SARAF: variants seen among roughly 807,000 people sequenced by gnomAD.
The protein encoded by SARAF is store-operated calcium entry associated regulatory factor.
Under a neutral mutation model 39.7 loss-of-function variants are expected in SARAF, and 23 were observed. That is an observed-to-expected ratio of 0.58 (90% CI 0.42 to 0.82). SARAF has a LOEUF of 0.82. Among genes scored for constraint, SARAF ranks in the 40% least tolerant of loss-of-function variants. The probability of loss-of-function intolerance (pLI) is 0.00; values close to 1 mark genes in which losing one functional copy is unlikely to be tolerated. For missense variants in SARAF, 384 were observed against 418.5 expected, an observed-to-expected ratio of 0.92 and a Z score of 0.72; for synonymous variants, 175 against 168.5, an observed-to-expected ratio of 1.04 and a Z score of -0.30.
intron 1 of SARAF, among the ~76,000 whole-genome samples, chr8:30,077,969 G>A (rs184599767): frequency 6.7e-4 from 102 of 151,424 alleles, no homozygotes; most frequent in African/African-American, 2.3e-3. Context: ...GTGAAACCCC[G>A]TCTCTACTAA....
In SARAF at chr8:30,066,868, T is replaced by TAAAA; in HGVS notation, c.747_750dup (p.Thr251PhefsTer8). ...GAATTTTCATATCCTTGTTGTCCTG[T>TAAAA]AAAAGCACTGCCAAAACCAGAAGTT... On this transcript the variant is annotated frameshift_variant, in exon 4 of 6. Transcript: ENST00000256255. LOFTEE classifies it high-confidence loss of function. The TAAAA allele has an allele frequency of 6.2e-7, 1 of 1,614,186 alleles. No individual in the cohort carries two copies. The highest frequency in any genetic ancestry group is 2.2e-5 in the East Asian group (1 of 44,878).
At position 30,069,731 on chromosome 8, in the gene SARAF, T is replaced by A; in HGVS notation, c.611A>T (p.Tyr204Phe). Residue 204 changes from tyrosine to phenylalanine, a missense_variant, in exon 3 of 6, where the codon TAC (tyrosine) becomes TTC (phenylalanine). Coordinates refer to ENST00000256255, the MANE Select transcript of SARAF (RefSeq NM_016127.6). ...GTGGGAAAATGGAGGATACTCAGAG[T>A]ACGGTGGAGGAGAATACTGCCCGTC... Reference protein sequence around the residue: ...LSDGQYSPPPYSEYPPFSHRY... With the variant: ...LSDGQYSPPPFSEYPPFSHRY... The A allele has an allele frequency of 6.2e-7, 1 of 1,613,986 alleles. No homozygotes were observed. Among genetic ancestry groups the A allele is most frequent in the Non-Finnish European group, 8.5e-7 (1 of 1,179,974 alleles).
intron 1 of SARAF, chr8:30,078,288 C>CA (rs1340312720): frequency 2.0e-5 from 9 of 441,208 alleles, no homozygotes; most frequent in Non-Finnish European, 4.0e-5. Context: ...TCTGATTAGA[C>CA]AAACTCCAGG....
intron 1 of SARAF, among the ~76,000 whole-genome samples, chr8:30,081,731 ATTTT>A (rs11314015): frequency 2.7e-5 from 4 of 147,270 alleles, no homozygotes; most frequent in East Asian, 2.0e-4. Context: ...TGTTGTTTTC[ATTTT>A]TTTTTTTTTT....
chr8:30,066,955 A>C (rs1400328636), intron 3 of SARAF, 37 bp from the exon 4 acceptor site: 1 of 1,542,242 alleles, frequency 6.5e-7, no homozygotes, highest in East Asian at 2.2e-5. Flanking sequence ...ATCCTCACTT[A>C]AACATGACAG....
At position 30,066,136 on chromosome 8, in the gene SARAF, C is replaced by A; in HGVS notation, c.846G>T (p.Ala282=). The change falls in exon 5 of 6, where the codon GCG becomes GCT. Residue 282 remains alanine (A), a synonymous_variant. Transcript: ENST00000256255. ...ILGYLFGSNR[A]ATPFSDSWYY... ...ACCACGAGTCTGAGAAGGGTGTTGC[C>A]GCTCTTTAAAGGGATAAAAGTAGGT... 1 of 1,613,618 alleles carries A rather than the reference C, an allele frequency of 6.2e-7. No homozygotes were observed. Among genetic ancestry groups the A allele is most frequent in the Non-Finnish European group, 8.5e-7 (1 of 1,179,770 alleles).
chr8:30,081,356 C>A (rs1369967803), intron 1 of SARAF, among the ~76,000 whole-genome samples: 2 of 152,074 alleles, frequency 1.3e-5, no homozygotes, highest in Non-Finnish European at 2.9e-5. Flanking sequence ...TGTAAACTTC[C>A]TTTATTAAAT....
chr8:30,078,088 C>T (rs1802009811), intron 1 of SARAF: 2 of 241,842 alleles, frequency 8.3e-6, no homozygotes, highest in African/African-American at 2.9e-5. Context: ...TGCAGCGAGC[C>T]GAGATGGTGC....
At position 30,075,997 on chromosome 8, in the gene SARAF, AAAAAAAAC is replaced by A. The variant is rs1409378441; in HGVS notation, c.104-1950_104-1943del. 1.1e-4 allele frequency among the ~76,000 whole-genome samples: 16 copies of A among 145,830 alleles called. 2 individuals carry two copies. The highest frequency in any genetic ancestry group is 4.2e-4 in the African/African-American group (16 of 38,332). ...CAGAATCCCTAAAAAAAAACAAAAAAAAAAAAACAAAAAACGGGAAATGGCAGCTCTGG... is the reference window on the plus strand; with the variant it reads ...CAGAATCCCTAAAAAAAAACAAAAAAAAAAAACGGGAAATGGCAGCTCTGG... On this transcript the variant is annotated intron_variant, in intron 1 of 5. Transcript: ENST00000256255.
chr8:30,077,207 G>C (rs989643049), intron 1 of SARAF, among the ~76,000 whole-genome samples: 2 of 152,156 alleles, frequency 1.3e-5, no homozygotes, highest in African/African-American at 4.8e-5. Context: ...TGTAATCCCA[G>C]CACTTTGGGA....
intron 1 of SARAF, 60 bp from the exon 2 acceptor site, chr8:30,074,115 T>A: frequency 6.4e-7 from 1 of 1,555,872 alleles, no homozygotes; most frequent in Non-Finnish European, 8.7e-7. Context: ...AAAGAAAGGT[T>A]CATCCTAACG....
Position 30,070,015 on chromosome 8 carries a change from T to A in SARAF, c.327A>T (p.Lys109Asn), listed in dbSNP as rs1182522769. The A allele has an allele frequency of 1.2e-6, 2 of 1,612,352 alleles. No individual in the cohort carries two copies. The highest frequency in any genetic ancestry group is 4.5e-5 in the East Asian group (2 of 44,882). ...CATAGCCTTCACAGCTCACCACAGTTTTTCCAAATTTGTATGCAATATCTA... is the reference window on the plus strand; with the variant it reads ...CATAGCCTTCACAGCTCACCACAGTATTTCCAAATTTGTATGCAATATCTA... ...TDLDIAYKFGKTVVSCEGYES... is the reference protein window; with the variant it reads ...TDLDIAYKFGNTVVSCEGYES... Residue 109 changes from lysine (K) to asparagine (N), a missense_variant, in exon 3 of 6, where the codon AAA (lysine) becomes AAT (asparagine). Coordinates refer to ENST00000256255, the MANE Select transcript of SARAF (RefSeq NM_016127.6).
At chr8:30,065,813 T>G in intron 5 of SARAF, 175 bp downstream of exon 5, 1 of 738,640 alleles carries the variant, frequency 1.4e-6, no homozygotes, top group Non-Finnish European at 2.2e-6. Context: ...CAAATCCCTG[T>G]TTGATTTTTA....
chr8:30,069,557 G>T, intron 3 of SARAF, 85 bp downstream of exon 3: 1 of 1,364,266 alleles, frequency 7.3e-7, no homozygotes, highest in Non-Finnish European at 1.0e-6. Context: ...GTTTCCCAAT[G>T]CAACGATTTT....
chr8:30,082,743 C>T, intron 1 of SARAF, 104 bp downstream of exon 1: 1 of 878,338 alleles, frequency 1.1e-6, no homozygotes, highest in Non-Finnish European at 1.7e-6. Context: ...ATCCGGGCAC[C>T]CAGGCTCCGG....
intron 2 of SARAF, among the ~76,000 whole-genome samples, chr8:30,071,172 C>A (rs1233465160): frequency 3.3e-5 from 5 of 152,156 alleles, no homozygotes; most frequent in Admixed American, 1.3e-4. Flanking sequence ...AAAACCCCAT[C>A]TCTACGAAAA....
In SARAF at chr8:30,073,929, G is replaced by A; in HGVS notation, c.230C>T (p.Thr77Ile). The A allele has an allele frequency of 1.2e-6, 2 of 1,614,140 alleles. No homozygotes were observed. The highest frequency in any genetic ancestry group is 1.1e-5 in the South Asian group (1 of 91,084). ...GTTCTGACACTGTATGACTTTTGGG[G>A]TATAAGAATCACAACCAGCTGTGCC... The part of the protein sequence containing the change: ...VGGTAGCDSY[T>I]PKVIQCQNKG... The change falls in exon 2 of 6, where the codon ACC (threonine) becomes ATC (isoleucine). Residue 77 changes from threonine (T) to isoleucine (I), a missense_variant. By Grantham distance (89) the Thr-to-Ile change is moderately conservative. Transcript: ENST00000256255.
intron 5 of SARAF, among the ~76,000 whole-genome samples, chr8:30,064,553 A>ATTTTTTTTTTT (rs1213352789): frequency 2.1e-5 from 1 of 47,668 alleles, no homozygotes; most frequent in African/African-American, 1.0e-4. Context: ...ATATATATAT[A>ATTTTTTTTTTT]TATATATATT....
At chr8:30,078,308 A>C in intron 1 of SARAF, 1 of 428,912 alleles carries the variant, frequency 2.3e-6, no homozygotes, top group South Asian at 1.7e-5. Context: ...GCTGTAATTC[A>C]AGAAAAGTTC....
Sources: gnomAD v4.1 joint callset for allele counts (sites outside exome capture counted in the v4.1 genomes callset) on GRCh38, gnomAD v4.1.1 for gene constraint, MANE v1.5 for transcripts, NCBI Gene and HGNC (gene_info 2026-07-23, HGNC 2026-07-21) for gene names.